The following LHPP variants were observed in gnomAD, a reference collection of about 807,000 sequenced individuals.
LHPP encodes the protein hLHPP.
In LHPP, 24 loss-of-function variants were observed where a neutral mutation model predicts 30.3. The observed-to-expected ratio is 0.79, with a 90% CI of 0.57 to 1.11. LHPP has a LOEUF of 1.11. Ranked by LOEUF, LHPP falls within the 50% of genes most tolerant of loss-of-function variation. The probability of loss-of-function intolerance (pLI) is 0.00; values close to 1 mark genes in which losing one functional copy is unlikely to be tolerated. For synonymous variants in LHPP, 150 were observed against 157.1 expected, an observed-to-expected ratio of 0.95 and a Z score of 0.34; for missense variants, 356 against 367.2, an observed-to-expected ratio of 0.97 and a Z score of 0.25.
intron 5 of LHPP, among the ~76,000 whole-genome samples, chr10:124,499,286 C>G (rs1009915949): frequency 6.6e-6 from 1 of 150,786 alleles, no homozygotes; most frequent in African/African-American, 2.5e-5. Context: ...TCCCAAAGTG[C>G]TGGGATTACA....
chr10:124,488,550 C>T lies in LHPP; in HGVS notation c.442C>T (p.Pro148Ser). ...AFQVLMELEK[P>S]VLISLGKGRY... ...CCAGGTGCTCATGGAGCTGGAAAAA[C>T]CTGTGCTCATATCACTGGGAAAAGG... Residue 148 changes from proline (P) to serine (S), a missense_variant, in exon 3 of 7, where the codon CCT becomes TCT. Physicochemically the swap from Pro to Ser is moderately conservative, Grantham distance 74 (BLOSUM62 -1). Transcript: ENST00000368842. The T allele has an allele frequency of 1.2e-6, 2 of 1,613,424 alleles. No individual in the cohort carries two copies. The highest frequency in any genetic ancestry group is 2.2e-5 in the South Asian group (2 of 90,982).
rs1458497296 is a variant in LHPP, at chr10:124,504,865, T to C, written c.624+6737T>C. ...ACCCCTCATGGGGGTCTGGTGAATC[T>C]GGGTTTGTCGTTTTCGGATGCTGGG... On this transcript the variant is annotated intron_variant, in intron 5 of 6. Coordinates refer to ENST00000368842, the MANE Select transcript of LHPP (RefSeq NM_022126.4). 3.3e-5 allele frequency among the ~76,000 whole-genome samples: 5 copies of C among 152,244 alleles called. No individual in the cohort carries two copies. The East Asian group carries it at 9.7e-4, about 29-fold the overall frequency.
At chr10:124,609,247 G>A (rs1369884499) in intron 6 of LHPP, among the ~76,000 whole-genome samples, 2 of 152,184 alleles carry the variant, frequency 1.3e-5, no homozygotes, top group Admixed American at 1.3e-4. Flanking sequence ...AGCATTATAT[G>A]TGGCTTCTCT....
At chr10:124,499,203 T>C (rs1416172251) in intron 5 of LHPP, among the ~76,000 whole-genome samples, 2 of 151,764 alleles carry the variant, frequency 1.3e-5, no homozygotes, top group African/African-American at 4.9e-5. Context: ...GTATTTTCCA[T>C]AGAGATGGGG....
At chr10:124,525,895 T>C (rs929638065) in intron 6 of LHPP, among the ~76,000 whole-genome samples, 2 of 152,104 alleles carry the variant, frequency 1.3e-5, no homozygotes, top group African/African-American at 4.8e-5. Context: ...GTGCCGCCTG[T>C]GGGAAAACCG....
chr10:124,534,487 A>G (rs867111329), intron 6 of LHPP, among the ~76,000 whole-genome samples: 1 of 152,140 alleles, frequency 6.6e-6, no homozygotes, highest in South Asian at 2.1e-4. Flanking sequence ...GGGCCGGGGA[A>G]AGGCCTGGGC....
rs910580854 is a variant in LHPP, at chr10:124,478,440, C to A, written c.126-5699C>A. Reference sequence around the variant, plus strand: ...AGGCCCCCTGCTGCCTGCCCAGTCTCCCCTCCGAGGGATCCCATTCTCCCT... The same window carrying A: ...AGGCCCCCTGCTGCCTGCCCAGTCTACCCTCCGAGGGATCCCATTCTCCCT... On this transcript the variant is annotated intron_variant, in intron 1 of 6. Coordinates refer to ENST00000368842, the MANE Select transcript of LHPP (RefSeq NM_022126.4). This position sits in a 1 kb window ranked among gnomAD's most constrained non-coding sequence, Gnocchi z 4.7. Among the ~76,000 whole-genome samples, 2 of 152,198 alleles carry A rather than the reference C, an allele frequency of 1.3e-5. No individual in the cohort carries two copies. Among genetic ancestry groups the A allele is most frequent in the African/African-American group, 4.8e-5 (2 of 41,452 alleles).
chr10:124,507,256 G>T (rs1464598097), intron 5 of LHPP, among the ~76,000 whole-genome samples: 138 of 2,934 alleles, frequency 0.047, 31 homozygotes, highest in Non-Finnish European at 0.059. Context: ...ATTTCAGGTC[G>T]GGGGGGTAGA....
chr10:124,493,689 C>T (rs1346386797), intron 3 of LHPP: 1 of 152,116 alleles, frequency 6.6e-6, no homozygotes, highest in Non-Finnish European at 1.5e-5. Flanking sequence ...GCATCTGACT[C>T]CTCCTCCCGG....
intron 5 of LHPP, among the ~76,000 whole-genome samples, chr10:124,499,202 A>G (rs1354189538): frequency 1.3e-5 from 2 of 151,694 alleles, no homozygotes; most frequent in East Asian, 3.9e-4. Context: ...TGTATTTTCC[A>G]TAGAGATGGG....
chr10:124,611,137 G>C (rs1425700091), intron 6 of LHPP, among the ~76,000 whole-genome samples: 1 of 151,926 alleles, frequency 6.6e-6, no homozygotes. Flanking sequence ...GGCCGTGCTT[G>C]GGACGGCCAG....
intron 6 of LHPP, among the ~76,000 whole-genome samples, chr10:124,603,565 AT>A (rs149593890): frequency 1.6e-3 from 242 of 150,284 alleles, no homozygotes; most frequent in African/African-American, 5.6e-3. Flanking sequence ...TTTTGTTTGG[AT>A]TTTTTTTTTC....
At chr10:124,566,779 AG>A (rs1465504010) in intron 6 of LHPP, among the ~76,000 whole-genome samples, 1 of 152,028 alleles carries the variant, frequency 6.6e-6, no homozygotes, top group Non-Finnish European at 1.5e-5. Flanking sequence ...TGAGAGTCTG[AG>A]GGGGCAGCCA....
At chr10:124,597,457 G>T (rs577552732) in intron 6 of LHPP, among the ~76,000 whole-genome samples, 36 of 152,316 alleles carry the variant, frequency 2.4e-4, no homozygotes, top group Non-Finnish European at 5.0e-4. Context: ...GCCACCTGTC[G>T]AAGAGATCCC....
chr10:124,465,274 C>T (rs576078562), intron 1 of LHPP, among the ~76,000 whole-genome samples: 6 of 151,910 alleles, frequency 3.9e-5, no homozygotes, highest in South Asian at 4.2e-4. Context: ...AGTTCGAGGG[C>T]GTGGGGTGGG....
intron 3 of LHPP, chr10:124,490,553 A>G (rs995946349): frequency 2.8e-4 from 95 of 337,224 alleles, no homozygotes; most frequent in African/African-American, 2.0e-3. Context: ...ATAAATAGCA[A>G]TCTGGTTCTT....
chr10:124,566,475 T>A (rs1487237239), intron 6 of LHPP, among the ~76,000 whole-genome samples: 1 of 152,208 alleles, frequency 6.6e-6, no homozygotes, highest in Non-Finnish European at 1.5e-5. Flanking sequence ...GATTTAGGCC[T>A]TGGGGTGTTG....
At chr10:124,611,105 G>A (rs1323802169) in intron 6 of LHPP, among the ~76,000 whole-genome samples, 1 of 151,948 alleles carries the variant, frequency 6.6e-6, no homozygotes, top group African/African-American at 2.4e-5. Flanking sequence ...TTTGGTGTGT[G>A]CTCATTCAGG....
rs79500180 is a variant in LHPP, at chr10:124,571,492, G to T, written c.717-41772G>T. Among the ~76,000 whole-genome samples the T allele has an allele frequency of 6.8e-4, 104 of 152,300 alleles. 1 individual carries two copies. The East Asian group carries it at 0.019, about 28-fold the overall frequency. ...ACATGCTGAATGGGAACCTTTAGGG[G>T]CTTGGCTGAATGGCCCTGCACAAGG... On this transcript the variant is annotated intron_variant, in intron 6 of 6. Transcript: ENST00000368842.
Sources: allele counts gnomAD v4.1 joint callset (sites outside exome capture counted in the v4.1 genomes callset), GRCh38; gene constraint gnomAD v4.1.1; non-coding constraint Gnocchi (gnomAD v3.1); transcripts MANE v1.5; gene names NCBI Gene and HGNC (gene_info 2026-07-23, HGNC 2026-07-21).